The following SLCO2B1 variants were observed in gnomAD, a reference collection of about 807,000 sequenced individuals.
The protein encoded by SLCO2B1 is OATP-RP2.
In SLCO2B1, 41 loss-of-function variants were observed where a neutral mutation model predicts 67.3. The observed-to-expected ratio is 0.61, with a 90% CI of 0.47 to 0.79. The LOEUF is 0.79. Ranked by LOEUF, SLCO2B1 falls within the 30% of genes least tolerant of loss-of-function variation. The pLI is 0.00. For synonymous variants in SLCO2B1, 379 were observed against 381.4 expected (o/e 0.99, Z 0.07); for missense variants, 837 against 920.1 (o/e 0.91, Z 1.17).
chr11:75,153,221 G>A (rs1188736452), intron 1 of SLCO2B1, among the ~76,000 whole-genome samples: 3 of 152,154 alleles, frequency 2.0e-5, no homozygotes, highest in Non-Finnish European at 4.4e-5. Context: ...TTCCAGCTGG[G>A]GGTAACCTCT....
At chr11:75,185,138 G>A (rs1182803322) in intron 7 of SLCO2B1, among the ~76,000 whole-genome samples, 1 of 152,224 alleles carries the variant, frequency 6.6e-6, no homozygotes, top group Admixed American at 6.5e-5. Context: ...AGCCAGGTTG[G>A]GGAGGCATGG....
intron 10 of SLCO2B1, among the ~76,000 whole-genome samples, chr11:75,198,600 C>A (rs952341275): frequency 6.6e-6 from 1 of 152,216 alleles, no homozygotes; most frequent in Non-Finnish European, 1.5e-5. Flanking sequence ...CCCAGCCAGC[C>A]CCCTCTTTGG....
chr11:75,200,499 G>A, intron 11 of SLCO2B1, 112 bp downstream of exon 11: 1 of 1,102,686 alleles, frequency 9.1e-7, no homozygotes, highest in Non-Finnish European at 1.3e-6. Context: ...TGGGTGTCCT[G>A]GCCCCCACAA....
In SLCO2B1 at chr11:75,204,426, A is replaced by T. The variant is rs1255862434; in HGVS notation, c.1976A>T (p.Lys659Ile). The change falls in exon 14 of 14, where the codon AAA (lysine) becomes ATA (isoleucine). Residue 659 changes from lysine to isoleucine, a missense_variant. Coordinates refer to ENST00000289575, the MANE Select transcript of SLCO2B1 (RefSeq NM_007256.5). ...TTCATCGGCCTCCAGTTCTTCTTCA[A>T]AACAGGTTCTGTGATCTGCTTCGCC... ...NRFIGLQFFF[K>I]TGSVICFALV... 1 of 1,609,514 alleles carries T rather than the reference A, an allele frequency of 6.2e-7. No homozygotes were observed. The highest frequency in any genetic ancestry group is 2.2e-5 in the East Asian group (1 of 44,778).
chr11:75,188,460 T>C (rs1047566343), intron 8 of SLCO2B1, among the ~76,000 whole-genome samples: 1 of 152,212 alleles, frequency 6.6e-6, no homozygotes, highest in Non-Finnish European at 1.5e-5. Context: ...GCATTGCGGC[T>C]CATGCCTGTA....
intron 9 of SLCO2B1, among the ~76,000 whole-genome samples, chr11:75,195,269 C>A (rs1945083262): frequency 6.6e-6 from 1 of 152,176 alleles, no homozygotes; most frequent in African/African-American, 2.4e-5. Context: ...CAGCTGCTAG[C>A]AGAGGGTTCT....
intron 6 of SLCO2B1, among the ~76,000 whole-genome samples, chr11:75,170,840 C>T (rs575378624): frequency 1.4e-4 from 22 of 152,302 alleles, no homozygotes; most frequent in African/African-American, 5.3e-4. Flanking sequence ...TGACACACCT[C>T]AGCTCCATGC....
intron 8 of SLCO2B1, among the ~76,000 whole-genome samples, chr11:75,192,771 C>G (rs756201114): frequency 6.6e-6 from 1 of 152,134 alleles, no homozygotes; most frequent in Non-Finnish European, 1.5e-5. Context: ...AAGGGCCAGG[C>G]ATAGTGGCTC....
At position 75,172,411 on chromosome 11, in the gene SLCO2B1, T is replaced by G. The variant is rs1279242806; in HGVS notation, c.814T>G (p.Trp272Gly). 6.2e-7 allele frequency: 1 copy of G among 1,614,106 alleles called. No homozygotes were observed. The highest frequency in any genetic ancestry group is 8.5e-7 in the Non-Finnish European group (1 of 1,179,958). Residue 272 changes from tryptophan (W) to glycine (G), a missense_variant, in exon 7 of 14, where the codon TGG (tryptophan) becomes GGG (glycine). By Grantham distance (184) the Trp-to-Gly change is radical. Transcript: ENST00000289575. The stretch of plus-strand genomic sequence containing the variant: ...CAGCCTGACCATAAAGGACCCCCGA[T>G]GGGTGGGTGCCTGGTGGCTGGGTTT... The part of the protein sequence containing the change: ...GISLTIKDPR[W>G]VGAWWLGFLI...
intron 1 of SLCO2B1, among the ~76,000 whole-genome samples, chr11:75,154,982 C>T (rs1310318929): frequency 6.6e-6 from 1 of 152,178 alleles, no homozygotes; most frequent in Non-Finnish European, 1.5e-5. Context: ...CATAGAGAGA[C>T]TCTCCCTCCA....
At chr11:75,164,517 G>A (rs1371466981) in intron 3 of SLCO2B1, among the ~76,000 whole-genome samples, 1 of 152,072 alleles carries the variant, frequency 6.6e-6, no homozygotes, top group Non-Finnish European at 1.5e-5. Context: ...GGGATACCGC[G>A]GCGCAGGGTG....
rs773740723 is a variant in SLCO2B1 at position 75,162,788 on chromosome 11, A to G, written c.147+3A>G. ...CAAGTGTGTTCCATAACATCAAGGT[A>G]CCTCTCAGGGCCTGGCAGGGGCCTC... On this transcript the variant is annotated splice_donor_region_variant and intron_variant, in intron 2 of 13. Coordinates refer to ENST00000289575, the MANE Select transcript of SLCO2B1 (RefSeq NM_007256.5). 2 of 1,612,708 alleles carry G rather than the reference A, an allele frequency of 1.2e-6. No individual in the cohort carries two copies. The highest frequency in any genetic ancestry group is 2.7e-5 in the African/African-American group (2 of 74,866).
intron 7 of SLCO2B1, among the ~76,000 whole-genome samples, chr11:75,177,463 C>T (rs149514044): frequency 2.0e-5 from 3 of 152,270 alleles, no homozygotes; most frequent in African/African-American, 7.2e-5. Flanking sequence ...GGGTTAGACA[C>T]ATGTCATGCT....
At chr11:75,191,475 C>T (rs1945022012) in intron 8 of SLCO2B1, among the ~76,000 whole-genome samples, 1 of 152,176 alleles carries the variant, frequency 6.6e-6, no homozygotes, top group South Asian at 2.1e-4. Context: ...AGGCCTGGCA[C>T]AGAAAAGAGG....
chr11:75,152,668 A>T (rs957014440), intron 1 of SLCO2B1, among the ~76,000 whole-genome samples: 1 of 152,102 alleles, frequency 6.6e-6, no homozygotes, highest in African/African-American at 2.4e-5. Context: ...ACACCTCCCC[A>T]CAAGTCCCCC....
intron 1 of SLCO2B1, among the ~76,000 whole-genome samples, chr11:75,158,908 C>T (rs945730657): frequency 3.3e-5 from 5 of 152,174 alleles, no homozygotes; most frequent in South Asian, 2.1e-4. Flanking sequence ...TAAAGGAAGG[C>T]GGTCCTTGCA....
At chr11:75,163,557 G>A (rs1208336285) in intron 2 of SLCO2B1, among the ~76,000 whole-genome samples, 1 of 152,064 alleles carries the variant, frequency 6.6e-6, no homozygotes, top group Non-Finnish European at 1.5e-5. Flanking sequence ...AGCCAAGGGG[G>A]GCTCTGAGAG....
At chr11:75,155,459 A>G (rs1949736215) in intron 1 of SLCO2B1, among the ~76,000 whole-genome samples, 2 of 152,074 alleles carry the variant, frequency 1.3e-5, no homozygotes, top group African/African-American at 4.8e-5. Flanking sequence ...CAATTCAACA[A>G]TCTTGTTCTT....
Position 75,204,507 on chromosome 11 carries a change from G to A in SLCO2B1, c.2057G>A (p.Arg686Lys). 6.2e-7 allele frequency: 1 copy of A among 1,613,572 alleles called. No individual in the cohort carries two copies. Among genetic ancestry groups the A allele is most frequent in the Non-Finnish European group, 8.5e-7 (1 of 1,179,732 alleles). ...QDKEARTKES[R>K]SSPAVEQQLL... ...AAAGAGGCAAGGACCAAAGAGAGCA[G>A]ATCCAGCCCTGCCGTAGAGCAGCAA... The change falls in exon 14 of 14, where the codon AGA becomes AAA. Residue 686 changes from arginine (R) to lysine (K), a missense_variant. Coordinates refer to ENST00000289575, the MANE Select transcript of SLCO2B1 (RefSeq NM_007256.5).
Sources: allele counts gnomAD v4.1 joint callset (sites outside exome capture counted in the v4.1 genomes callset), GRCh38; gene constraint gnomAD v4.1.1; transcripts MANE v1.5; gene names NCBI Gene and HGNC (gene_info 2026-07-23, HGNC 2026-07-21).